The following ZNF385D variants were observed in gnomAD, a reference collection of about 807,000 sequenced individuals.
The protein encoded by ZNF385D is zinc finger protein 659.
A neutral mutation model predicts 35.8 loss-of-function variants in ZNF385D; 15 were observed. That is an observed-to-expected ratio of 0.42 (90% CI 0.28 to 0.64). The LOEUF (loss-of-function observed/expected upper bound fraction) is 0.64. ZNF385D is among the 30% of genes least tolerant of loss of function. The pLI is 0.23. For missense variants in ZNF385D, 474 were observed against 494.6 expected (o/e 0.96, Z 0.39); for synonymous variants, 212 against 186.8 (o/e 1.13, Z -1.10).
chr3:22,235,712 C>T lies in ZNF385D; in HGVS notation c.107-66677G>A, dbSNP rs77479917. The stretch of plus-strand genomic sequence containing the variant: ...AACTGAAAAACTGAAAATCAAAATA[C>T]TTTGCAGTTATCCACTTATCAAAGA... On this transcript the variant is annotated intron_variant, in intron 2 of 5. Coordinates refer to the ZNF385D transcript ENST00000494108. 3.3e-5 allele frequency among the ~76,000 whole-genome samples: 5 copies of T among 152,140 alleles called. No homozygotes were observed. The South Asian group carries it at 1.0e-3, about 32-fold the overall frequency.
intron 3 of ZNF385D, among the ~76,000 whole-genome samples, chr3:22,094,945 A>C (rs1014642849): frequency 1.3e-5 from 2 of 151,870 alleles, no homozygotes; most frequent in African/African-American, 4.8e-5. Context: ...TCACTCTGTT[A>C]CCCAAGGTGG....
chr3:22,223,758 C>T (rs1025376546), intron 2 of ZNF385D, among the ~76,000 whole-genome samples: 4 of 152,138 alleles, frequency 2.6e-5, no homozygotes, highest in Admixed American at 2.0e-4. Flanking sequence ...GGAACATTTT[C>T]ATGTTAAATT....
intron 3 of ZNF385D, among the ~76,000 whole-genome samples, chr3:22,129,311 G>T (rs559913828): frequency 2.0e-5 from 3 of 152,116 alleles, no homozygotes; most frequent in Non-Finnish European, 2.9e-5. Flanking sequence ...CTTGCCTAAG[G>T]CCTGTTGTGA....
intron 1 of ZNF385D, 118 bp from the exon 2 acceptor site, chr3:21,665,146 G>T: frequency 2.3e-6 from 3 of 1,310,848 alleles, no homozygotes; most frequent in Non-Finnish European, 3.1e-6. Flanking sequence ...ACAAGACATG[G>T]ACTCTATTGA....
chr3:21,969,819 C>G (rs999035360), intron 3 of ZNF385D, among the ~76,000 whole-genome samples: 1 of 152,094 alleles, frequency 6.6e-6, no homozygotes, highest in Non-Finnish European at 1.5e-5. Flanking sequence ...TTCAGGGGTG[C>G]CTGTGTCACC....
At chr3:22,310,740 G>A (rs995724642) in intron 2 of ZNF385D, among the ~76,000 whole-genome samples, 3 of 151,604 alleles carry the variant, frequency 2.0e-5, no homozygotes, top group African/African-American at 4.8e-5. Flanking sequence ...AATTATATAC[G>A]CTGTTTTCAT....
chr3:22,066,018 A>T (rs529213107), intron 3 of ZNF385D, among the ~76,000 whole-genome samples: 1 of 152,178 alleles, frequency 6.6e-6, no homozygotes, highest in African/African-American at 2.4e-5. Flanking sequence ...TTATCAAAAA[A>T]TAAGACCGTT....
At chr3:22,154,652 T>C (rs1011280179) in intron 3 of ZNF385D, among the ~76,000 whole-genome samples, 1 of 152,178 alleles carries the variant, frequency 6.6e-6, no homozygotes, top group Non-Finnish European at 1.5e-5. Flanking sequence ...GTACATACCT[T>C]GCCTCTCTGG....
chr3:21,825,487 A>G (rs1047627357), intron 3 of ZNF385D, among the ~76,000 whole-genome samples: 1 of 152,284 alleles, frequency 6.6e-6, no homozygotes, highest in Admixed American at 6.5e-5. Context: ...CAAATAAAAA[A>G]AAAAGTGTAG....
intron 3 of ZNF385D, among the ~76,000 whole-genome samples, chr3:21,772,399 C>G (rs1009768013): frequency 8.7e-5 from 13 of 148,726 alleles, no homozygotes; most frequent in Non-Finnish European, 6.0e-5. Flanking sequence ...AAAAAACAAG[C>G]TGATTAGAAA....
chr3:21,742,166 A>C (rs4858354), intron 1 of ZNF385D, among the ~76,000 whole-genome samples: 25,514 of 152,198 alleles, frequency 0.17, 2,430 homozygotes, highest in Admixed American at 0.3. Context: ...TTCAAATTTC[A>C]TTACACTTCA....
chr3:21,729,017 T>A (rs2068883570), intron 1 of ZNF385D, among the ~76,000 whole-genome samples: 2 of 152,182 alleles, frequency 1.3e-5, no homozygotes. Context: ...AACCTACTAG[T>A]GAAATATTTA....
At chr3:21,447,174 G>A (rs920793925) in intron 4 of ZNF385D, among the ~76,000 whole-genome samples, 3 of 152,110 alleles carry the variant, frequency 2.0e-5, no homozygotes, top group African/African-American at 7.2e-5. Context: ...AAGACAAATG[G>A]GTGAGTTTTA....
chr3:22,170,932 A>G lies in ZNF385D; in HGVS notation c.107-1897T>C, dbSNP rs190561276. On this transcript the variant is annotated intron_variant, in intron 2 of 5. Coordinates refer to the ZNF385D transcript ENST00000494108. Reference sequence around the variant, plus strand: ...TATAATATGGGAAAATATTTTGTGTATAAGTAAAAACCAAAAATAAGATGT... The same window carrying G: ...TATAATATGGGAAAATATTTTGTGTGTAAGTAAAAACCAAAAATAAGATGT... 4.3e-4 allele frequency among the ~76,000 whole-genome samples: 65 copies of G among 152,306 alleles called. 1 individual carries two copies. The East Asian group carries it at 8.3e-3, about 19-fold the overall frequency.
At chr3:21,470,320 G>T (rs1334218419) in intron 4 of ZNF385D, among the ~76,000 whole-genome samples, 2 of 152,130 alleles carry the variant, frequency 1.3e-5, no homozygotes, top group Non-Finnish European at 1.5e-5. Flanking sequence ...GCAGGTAGCT[G>T]TCCTGCTTTA....
chr3:21,748,426 T>C (rs1488567871), intron 1 of ZNF385D, among the ~76,000 whole-genome samples: 1 of 13,960 alleles, frequency 7.2e-5, no homozygotes, highest in Admixed American at 9.4e-4. Flanking sequence ...TTTGAAGGGG[T>C]GGGGGTGGGG....
At position 21,427,792 on chromosome 3, in the gene ZNF385D, A is replaced by G. The variant is rs143132208; in HGVS notation, c.674-2122T>C. ...AGAAAGTCATTGGGTTGTTCGAATTATTATTTAAGTATAGTCTCTCCATAG... is the reference window on the plus strand; with the variant it reads ...AGAAAGTCATTGGGTTGTTCGAATTGTTATTTAAGTATAGTCTCTCCATAG... On this transcript the variant is annotated intron_variant, in intron 5 of 7. Coordinates refer to ENST00000281523, the MANE Select transcript of ZNF385D (RefSeq NM_024697.3). Among the ~76,000 whole-genome samples the G allele has an allele frequency of 9.5e-3, 1,443 of 152,288 alleles. 15 individuals are homozygous for G. The highest frequency in any genetic ancestry group is 0.015 in the Non-Finnish European group (1,006 of 68,018).
At chr3:22,102,628 C>T (rs116141071) in intron 3 of ZNF385D, among the ~76,000 whole-genome samples, 2,120 of 151,848 alleles carry the variant, frequency 0.014, 47 homozygotes, top group African/African-American at 0.048. Context: ...AAATATACAT[C>T]GACAATAGGA....
intron 3 of ZNF385D, among the ~76,000 whole-genome samples, chr3:22,168,138 G>T (rs1423952838): frequency 6.6e-6 from 1 of 152,018 alleles, no homozygotes; most frequent in African/African-American, 2.4e-5. Context: ...ATATAATATT[G>T]TAACTCAAGT....
Sources: allele counts gnomAD v4.1 joint callset (sites outside exome capture counted in the v4.1 genomes callset), GRCh38; gene constraint gnomAD v4.1.1; transcripts MANE v1.5; gene names NCBI Gene and HGNC (gene_info 2026-07-23, HGNC 2026-07-21).